The following ATG12 variants were observed in gnomAD, a reference collection of about 807,000 sequenced individuals.
ATG12 encodes the protein ubiquitin-like protein ATG12.
A neutral mutation model predicts 17.6 loss-of-function variants in ATG12; 19 were observed. The observed-to-expected ratio is 1.08, with a 90% CI of 0.75 to 1.58. The LOEUF is 1.58. Among genes scored for constraint, ATG12 ranks in the 40% most tolerant of loss-of-function variants. The pLI is 0.00. For missense variants in ATG12, 214 were observed against 162.0 expected (o/e 1.32, Z -1.74); for synonymous variants, 75 against 62.4 (o/e 1.20, Z -0.95).
chr5:115,841,451 G>A lies in ATG12; in HGVS notation c.102C>T (p.Pro34=), dbSNP rs1342729357. ...CCGGGGAAACTGCAGCGGAAGACGGGGGCTCCGGGGTGGTTGTTTCTGGGG... is the reference window on the plus strand; with the variant it reads ...CCGGGGAAACTGCAGCGGAAGACGGAGGCTCCGGGGTGGTTGTTTCTGGGG... ...DVSPETTTPE[P]PSSAAVSPGT... The change falls in exon 1 of 4, where the codon CCC becomes CCT. Residue 34 remains proline (P), a synonymous_variant. Coordinates refer to ENST00000509910, the MANE Select transcript of ATG12 (RefSeq NM_004707.4). The A allele has an allele frequency of 1.9e-6, 3 of 1,609,818 alleles. No individual in the cohort carries two copies. Among genetic ancestry groups the A allele is most frequent in the Non-Finnish European group, 2.5e-6 (3 of 1,178,962 alleles).
rs771222691 is a variant in ATG12, at chr5:115,837,616, T to C, written c.300+12A>G. The C allele has an allele frequency of 6.2e-6, 10 of 1,608,954 alleles. No homozygotes were observed. The highest frequency in any genetic ancestry group is 1.1e-5 in the South Asian group (1 of 90,202). On this transcript the variant is annotated intron_variant, in intron 2 of 3. Coordinates refer to ENST00000509910, the MANE Select transcript of ATG12 (RefSeq NM_004707.4). The stretch of plus-strand genomic sequence containing the variant: ...AAATTTTTGTAGGAAAACATCACCA[T>C]TGGTTTCATACCAACTGTTCTGAGG...
rs780520606 is a variant in ATG12 at position 115,840,609 on chromosome 5, T to C, written c.163+781A>G. 4 of 1,279,604 alleles carry C rather than the reference T, an allele frequency of 3.1e-6. No individual in the cohort carries two copies. In the South Asian group the frequency reaches 5.0e-5, roughly 16 times the overall value. 79.3% of individuals were successfully genotyped at this position (1,279,604 alleles called of 1,614,324 possible). A position where few individuals can be genotyped will look rare whatever the true frequency, so the allele number is the denominator to read the frequency against. The stretch of plus-strand genomic sequence containing the variant: ...CACCGCGCCCGGCCAGAGACCACTG[T>C]CATCTTAAGACAGAACGGGGAAAAC... On this transcript the variant is annotated intron_variant, in intron 1 of 3. Transcript: ENST00000509910.
rs1254058700 is a variant in ATG12, at chr5:115,829,958, T to G, written c.*1846A>C. 3.3e-5 allele frequency: 5 copies of G among 151,518 alleles called. No individual in the cohort carries two copies. Among genetic ancestry groups the G allele is most frequent in the African/African-American group, 9.7e-5 (4 of 41,178 alleles). The allele number at this position is 151,518 out of a possible 1,614,324, so 9.4% of individuals were successfully genotyped here. A position where few individuals can be genotyped will look rare whatever the true frequency, so the allele number is the denominator to read the frequency against. ...GGTAAAACCCTGTCTCCACTAAAAA[T>G]AACAAAAAATTAGGCGGGTGTGGTG... On this transcript the variant is annotated 3_prime_UTR_variant, in exon 4 of 4. Coordinates refer to ENST00000509910, the MANE Select transcript of ATG12 (RefSeq NM_004707.4).
intron 3 of ATG12, 145 bp from the exon 4 acceptor site, chr5:115,832,008 C>T (rs1760889410): frequency 4.1e-6 from 3 of 730,962 alleles, no homozygotes; most frequent in Admixed American, 5.5e-5. Flanking sequence ...CAAAGGATGC[C>T]TGTTTCTATC....
In ATG12 at chr5:115,841,444, A is replaced by C. The variant is rs1335612660; in HGVS notation, c.109T>G (p.Ser37Ala). ...TCTGTTCCCGGGGAAACTGCAGCGG[A>C]AGACGGGGGCTCCGGGGTGGTTGTT... ...PETTTPEPPS[S>A]AAVSPGTEEP... Residue 37 changes from serine to alanine, a missense_variant, in exon 1 of 4, where the codon TCC becomes GCC. Coordinates refer to ENST00000509910, the MANE Select transcript of ATG12 (RefSeq NM_004707.4). The C allele has an allele frequency of 1.2e-6, 2 of 1,610,088 alleles. No homozygotes were observed. Among genetic ancestry groups the C allele is most frequent in the Non-Finnish European group, 1.7e-6 (2 of 1,179,052 alleles).
intron 2 of ATG12, among the ~76,000 whole-genome samples, chr5:115,836,893 A>G (rs201611203): frequency 6.6e-6 from 1 of 152,240 alleles, no homozygotes; most frequent in Non-Finnish European, 1.5e-5. Flanking sequence ...CTTTACTACA[A>G]CTGCCACTGT....
At chr5:115,841,213 A>C in intron 1 of ATG12, 177 bp downstream of exon 1, 1 of 768,566 alleles carries the variant, frequency 1.3e-6, no homozygotes, top group Non-Finnish European at 2.1e-6. Context: ...ATGGTATTTT[A>C]ACACTCAACT....
intron 1 of ATG12, chr5:115,840,892 A>C (rs26536): frequency 3.9e-6 from 5 of 1,287,658 alleles, no homozygotes; most frequent in African/African-American, 1.5e-5. Flanking sequence ...TTCATTCTGC[A>C]TAAGAATTTG....
intron 2 of ATG12, chr5:115,833,206 T>C (rs968414323): frequency 6.6e-6 from 1 of 152,146 alleles, no homozygotes; most frequent in African/African-American, 2.4e-5. Context: ...CACTGCTCAA[T>C]GTTTCAGTTT....
intron 1 of ATG12, chr5:115,840,617 A>G (rs1384079038): frequency 7.1e-6 from 9 of 1,275,302 alleles, no homozygotes; most frequent in African/African-American, 1.5e-5. Flanking sequence ...TGTCATCTTA[A>G]GACAGAACGG....
At chr5:115,833,866 T>C (rs1760987197) in intron 2 of ATG12, 1 of 152,162 alleles carries the variant, frequency 6.6e-6, no homozygotes, top group African/African-American at 2.4e-5. Flanking sequence ...TTGTACATTA[T>C]AAATGAGGGG....
chr5:115,834,816 G>A (rs1347694385), intron 2 of ATG12: 1 of 152,112 alleles, frequency 6.6e-6, no homozygotes, highest in East Asian at 1.9e-4. Flanking sequence ...ATGATTTCAA[G>A]TCCAGTAATT....
chr5:115,840,853 T>A, intron 1 of ATG12: 1 of 1,273,864 alleles, frequency 7.9e-7, no homozygotes, highest in Non-Finnish European at 1.0e-6. Flanking sequence ...AAAGGTAACA[T>A]CTATGCCTTT....
intron 2 of ATG12, among the ~76,000 whole-genome samples, chr5:115,835,437 T>A (rs549310223): frequency 4.6e-5 from 7 of 152,336 alleles, no homozygotes; most frequent in East Asian, 3.9e-4. Context: ...TGTATACTAT[T>A]CAAAACGATG....
chr5:115,834,205 A>G (rs1345727013), intron 2 of ATG12: 2 of 152,228 alleles, frequency 1.3e-5, no homozygotes. Flanking sequence ...GTGTTCACAG[A>G]AAACAGCAGA....
At chr5:115,837,788 C>A (rs1488013559) in intron 1 of ATG12, 24 bp from the exon 2 acceptor site, 7 of 1,572,360 alleles carry the variant, frequency 4.5e-6, no homozygotes, top group Non-Finnish European at 4.3e-6. Flanking sequence ...ATAAAATTTA[C>A]TGACAATTAC....
At chr5:115,833,350 G>T (rs577325400) in intron 2 of ATG12, 1 of 151,822 alleles carries the variant, frequency 6.6e-6, no homozygotes, top group East Asian at 1.9e-4. Context: ...CCAAATTTGG[G>T]ACTAAAATGT....
chr5:115,837,806 C>T (rs1445928747), intron 1 of ATG12, 42 bp from the exon 2 acceptor site: 6 of 1,518,214 alleles, frequency 4.0e-6, no homozygotes, highest in African/African-American at 2.8e-5. Context: ...TACACTGAAA[C>T]ATCTAAAGAG....
chr5:115,831,962 G>T, intron 3 of ATG12, 99 bp from the exon 4 acceptor site: 1 of 1,092,836 alleles, frequency 9.2e-7, no homozygotes, highest in Non-Finnish European at 1.3e-6. Flanking sequence ...ATCCACACAC[G>T]TATATTAAGT....
Sources: gnomAD v4.1 joint callset for allele counts (sites outside exome capture counted in the v4.1 genomes callset) on GRCh38, gnomAD v4.1.1 for gene constraint, MANE v1.5 for transcripts, NCBI Gene and HGNC (gene_info 2026-07-23, HGNC 2026-07-21) for gene names.